ADAMTS20: variants seen among roughly 807,000 people sequenced by gnomAD.
ADAMTS20 encodes ADAM metallopeptidase with thrombospondin type 1 motif 20.
A neutral mutation model predicts 260.1 loss-of-function variants in ADAMTS20; 225 were observed. The observed-to-expected ratio is 0.87, with a 90% CI of 0.78 to 0.97. The LOEUF is 0.97. Ranked by LOEUF, ADAMTS20 falls within the 50% of genes least tolerant of loss-of-function variation. ADAMTS20 has a pLI of 0.00. For missense variants in ADAMTS20, 2,400 were observed against 2,337.7 expected (o/e 1.03, Z -0.55); for synonymous variants, 802 against 769.5 (o/e 1.04, Z -0.70).
chr12:43,431,020 A>G (rs1941432420), intron 22 of ADAMTS20, among the ~76,000 whole-genome samples: 9 of 152,248 alleles, frequency 5.9e-5, no homozygotes, highest in Admixed American at 5.9e-4. Flanking sequence ...TCCTAAAAAC[A>G]ATAAAGATAT....
intron 3 of ADAMTS20, 25 bp from the exon 4 acceptor site, chr12:43,502,430 G>A (rs373730801): frequency 1.3e-5 from 20 of 1,562,538 alleles, no homozygotes; most frequent in Non-Finnish European, 1.7e-5. Context: ...AGAATATAAT[G>A]CAGAGCCATT....
At position 43,526,457 on chromosome 12, in the gene ADAMTS20, C is replaced by CA. The variant is rs1295168779; in HGVS notation, c.613+5578dup. 3.6e-3 allele frequency among the ~76,000 whole-genome samples: 531 copies of CA among 147,636 alleles called. 3 individuals carry two copies. The highest frequency in any genetic ancestry group is 5.2e-3 in the African/African-American group (210 of 40,358). On this transcript the variant is annotated intron_variant, in intron 3 of 38. Coordinates refer to ENST00000389420, the MANE Select transcript of ADAMTS20 (RefSeq NM_025003.5). ...TGAGTGACAGAGCAATACTCCGTCT[C>CA]AAAAAAAAAATAGGAATCATATCAA...
At chr12:43,417,549 G>A (rs1212152778) in intron 28 of ADAMTS20, among the ~76,000 whole-genome samples, 1 of 152,140 alleles carries the variant, frequency 6.6e-6, no homozygotes, top group Non-Finnish European at 1.5e-5. Flanking sequence ...GCGGTCAATG[G>A]TGGCTATAAA....
chr12:43,384,903 G>A (rs137943050), intron 29 of ADAMTS20, among the ~76,000 whole-genome samples: 1 of 152,266 alleles, frequency 6.6e-6, no homozygotes, highest in Non-Finnish European at 1.5e-5. Context: ...TGTGAACAGT[G>A]CTGCTATAAA....
chr12:43,445,267 T>C (rs1190664111), intron 15 of ADAMTS20, among the ~76,000 whole-genome samples: 1 of 152,216 alleles, frequency 6.6e-6, no homozygotes, highest in African/African-American at 2.4e-5. Context: ...TTGGTTCATG[T>C]GGCTTTATCC....
chr12:43,411,408 C>A (rs895149189), intron 28 of ADAMTS20, among the ~76,000 whole-genome samples: 2 of 152,118 alleles, frequency 1.3e-5, no homozygotes, highest in African/African-American at 4.8e-5. Flanking sequence ...GCTCTTGTTG[C>A]CCAGGCTGGA....
chr12:43,492,360 A>G (rs1453794653), intron 6 of ADAMTS20, 145 bp downstream of exon 6: 1 of 989,856 alleles, frequency 1.0e-6, no homozygotes, highest in South Asian at 2.0e-5. Context: ...ACCCTGGGCG[A>G]CAGAGCGAGA....
At chr12:43,485,521 G>T (rs1330978365) in intron 7 of ADAMTS20, among the ~76,000 whole-genome samples, 2 of 152,042 alleles carry the variant, frequency 1.3e-5, no homozygotes, top group Non-Finnish European at 2.9e-5. Flanking sequence ...AGACAAAGAT[G>T]CCCACTTTCA....
intron 28 of ADAMTS20, among the ~76,000 whole-genome samples, chr12:43,400,438 A>G (rs1015699632): frequency 6.6e-6 from 1 of 152,044 alleles, no homozygotes; most frequent in Non-Finnish European, 1.5e-5. Flanking sequence ...TGTTGCAATA[A>G]TGCATTGATT....
At position 43,483,070 on chromosome 12, in the gene ADAMTS20, A is replaced by T. The variant is rs114817284; in HGVS notation, c.1117+7325T>A. On this transcript the variant is annotated intron_variant, in intron 7 of 38. Transcript: ENST00000389420. ...CAACACACTAAGGCTACTTATAATG[A>T]AAGAAATCTCAGAGTCTACGTCACT... 6.7e-3 allele frequency among the ~76,000 whole-genome samples: 1,026 copies of T among 152,290 alleles called. 10 individuals are homozygous for T. The highest frequency in any genetic ancestry group is 0.023 in the African/African-American group (941 of 41,558).
intron 7 of ADAMTS20, among the ~76,000 whole-genome samples, chr12:43,477,057 A>T (rs937126375): frequency 4.0e-5 from 6 of 148,404 alleles, no homozygotes; most frequent in Admixed American, 2.0e-4. Context: ...TCTAAATAAA[A>T]AAAAAAAAAA....
intron 2 of ADAMTS20, among the ~76,000 whole-genome samples, chr12:43,534,900 G>T (rs185691097): frequency 5.3e-5 from 8 of 152,148 alleles, no homozygotes; most frequent in Middle Eastern, 3.4e-3. Context: ...GTATGGCATC[G>T]TGCTTCCAAC....
At chr12:43,512,069 T>C (rs572683591) in intron 3 of ADAMTS20, among the ~76,000 whole-genome samples, 1 of 152,060 alleles carries the variant, frequency 6.6e-6, no homozygotes, top group South Asian at 2.1e-4. Context: ...GATATAATAC[T>C]GAGTGCTTAT....
chr12:43,369,393 T>A lies in ADAMTS20; in HGVS notation c.5447-12A>T. The A allele has an allele frequency of 6.9e-7, 1 of 1,458,086 alleles. No individual in the cohort carries two copies. The allele number at this position is 1,458,086 out of a possible 1,614,324, so 90.3% of individuals were successfully genotyped here. A position where few individuals can be genotyped will look rare whatever the true frequency, so the allele number is the denominator to read the frequency against. On this transcript the variant is annotated splice_polypyrimidine_tract_variant and intron_variant, in intron 36 of 38. Transcript: ENST00000389420. Reference sequence around the variant, plus strand: ...AAGAAGGTCCGTAGCTAGAAAATAATAAATAAAACTCTTTAGCATGGAGAC... The same window carrying A: ...AAGAAGGTCCGTAGCTAGAAAATAAAAAATAAAACTCTTTAGCATGGAGAC...
chr12:43,519,532 G>T (rs901189182), intron 3 of ADAMTS20, among the ~76,000 whole-genome samples: 9 of 152,090 alleles, frequency 5.9e-5, no homozygotes, highest in African/African-American at 2.2e-4. Flanking sequence ...AACAAGAACA[G>T]GAGTCTCCTC....
At chr12:43,406,515 T>C (rs1032040981) in intron 28 of ADAMTS20, among the ~76,000 whole-genome samples, 1 of 152,082 alleles carries the variant, frequency 6.6e-6, no homozygotes, top group Non-Finnish European at 1.5e-5. Flanking sequence ...TGACAGAATT[T>C]CAAGTCAAAA....
intron 11 of ADAMTS20, among the ~76,000 whole-genome samples, chr12:43,456,967 G>A (rs1354866515): frequency 6.6e-6 from 1 of 152,146 alleles, no homozygotes; most frequent in Admixed American, 6.5e-5. Context: ...AAAGAACCAG[G>A]AAGTTAAACT....
At position 43,427,390 on chromosome 12, in the gene ADAMTS20, C is replaced by T. The variant is rs544349673; in HGVS notation, c.4025G>A (p.Cys1342Tyr). ...CTCTGGAGGCTTGGAGGCTGCATCG[C>T]AGTAACTAGCACTTTGTCCATTTTC... is the stretch of plus-strand genomic sequence containing the variant. The part of the protein sequence containing the change: ...QDENGQSASY[C>Y]DAASKPPELQ... Residue 1342 changes from cysteine to tyrosine, a missense_variant, in exon 27 of 39, where the codon TGC (cysteine) becomes TAC (tyrosine). By Grantham distance (194) the Cys-to-Tyr change is radical. Coordinates refer to ENST00000389420, the MANE Select transcript of ADAMTS20 (RefSeq NM_025003.5). 1.9e-6 allele frequency: 3 copies of T among 1,613,908 alleles called. No individual in the cohort carries two copies. In the East Asian group the frequency reaches 6.7e-5, roughly 36 times the overall value.
At position 43,376,095 on chromosome 12, in the gene ADAMTS20, G is replaced by A. The variant is rs1203815117; in HGVS notation, c.5274C>T (p.Val1758=). The A allele has an allele frequency of 6.2e-7, 1 of 1,610,994 alleles. No individual in the cohort carries two copies. The highest frequency in any genetic ancestry group is 2.2e-5 in the East Asian group (1 of 44,770). Residue 1758 remains valine (V), a synonymous_variant, in exon 35 of 39, where the codon GTC becomes GTT. Coordinates refer to ENST00000389420, the MANE Select transcript of ADAMTS20 (RefSeq NM_025003.5). ...CTTCAGAAAAGTTTTCTTCACCTTG[G>A]ACCAGTGTTAAATATTCCTTAGGGT... ...LENPKEYLTL[V]QGEENFSEVY...
Sources: allele counts gnomAD v4.1 joint callset (sites outside exome capture counted in the v4.1 genomes callset), GRCh38; gene constraint gnomAD v4.1.1; transcripts MANE v1.5; gene names NCBI Gene and HGNC (gene_info 2026-07-23, HGNC 2026-07-21).